Variants in DPP6 observed in about 807,000 individuals in gnomAD.
DPP6 encodes the protein dipeptidyl peptidase like 6, also known as A-type potassium channel modulatory protein DPP6.
Under a neutral mutation model 122.6 loss-of-function variants are expected in DPP6, and 69 were observed. The ratio of observed to expected loss-of-function variants is 0.56; its 90% CI spans 0.46 to 0.69. The LOEUF is 0.69. Among genes scored for constraint, DPP6 ranks in the 30% least tolerant of loss-of-function variants. DPP6 has a pLI of 0.00. For missense variants in DPP6, 928 were observed against 1,116.9 expected (o/e 0.83, Z 2.41); for synonymous variants, 418 against 433.1 (o/e 0.97, Z 0.43).
At chr7:154,316,802 G>C (rs780637802) in intron 1 of DPP6, among the ~76,000 whole-genome samples, 14 of 152,150 alleles carry the variant, frequency 9.2e-5, no homozygotes, top group Non-Finnish European at 2.1e-4. Context: ...TGAAACTGTA[G>C]CACGTACAGT....
At position 154,477,066 on chromosome 7, in the gene DPP6, G is replaced by A. The variant is rs902625166; in HGVS notation, c.457+2029G>A. 2.0e-5 allele frequency among the ~76,000 whole-genome samples: 3 copies of A among 151,708 alleles called. No individual in the cohort carries two copies. The East Asian group carries it at 5.8e-4, about 29-fold the overall frequency. On this transcript the variant is annotated intron_variant, in intron 3 of 25. Coordinates refer to ENST00000377770, the MANE Select transcript of DPP6 (RefSeq NM_130797.4). ...TGCACTCCAACCTGGGTGACAGAGC[G>A]AGACCCTGTCAAAAAAAAAAGAGTG...
chr7:154,345,300 A>G (rs946067500), intron 1 of DPP6, among the ~76,000 whole-genome samples: 1 of 152,162 alleles, frequency 6.6e-6, no homozygotes. Context: ...CCACTTCCCA[A>G]GGTCTTACCA....
intron 6 of DPP6, among the ~76,000 whole-genome samples, chr7:154,665,670 G>A (rs1199587864): frequency 6.6e-6 from 1 of 151,838 alleles, no homozygotes; most frequent in African/African-American, 2.4e-5. Context: ...GGGTGTCATT[G>A]TTTCTAGGCC....
intron 3 of DPP6, among the ~76,000 whole-genome samples, chr7:154,480,891 A>G (rs1464662191): frequency 1.3e-5 from 2 of 152,142 alleles, no homozygotes; most frequent in Non-Finnish European, 2.9e-5. Flanking sequence ...AGGACCTTCA[A>G]GTCATCTTTT....
chr7:153,854,996 C>G, the DPP6 span, among the ~76,000 whole-genome samples: 1 of 142,034 alleles, frequency 7.0e-6, no homozygotes, highest in Non-Finnish European at 1.5e-5. Flanking sequence ...GAACAAAAAA[C>G]CAAACACCGC....
At chr7:154,379,820 T>C (rs1306187326) in intron 1 of DPP6, among the ~76,000 whole-genome samples, 1 of 152,186 alleles carries the variant, frequency 6.6e-6, no homozygotes, top group Non-Finnish European at 1.5e-5. Flanking sequence ...CTTAAGCCAA[T>C]AGCCAAACTA....
chr7:154,137,819 G>T (rs1329446354), intron 1 of DPP6, among the ~76,000 whole-genome samples: 2 of 152,202 alleles, frequency 1.3e-5, no homozygotes, highest in African/African-American at 4.8e-5. Context: ...ACATGCATCA[G>T]GTGGATGGCT....
At chr7:153,978,493 C>A (rs1160915008) in intron 1 of DPP6, among the ~76,000 whole-genome samples, 1 of 151,944 alleles carries the variant, frequency 6.6e-6, no homozygotes, top group African/African-American at 2.4e-5. Flanking sequence ...TCTCCCTGTT[C>A]ACTCTGATGG....
At chr7:154,649,261 A>G (rs1836712558) in intron 6 of DPP6, among the ~76,000 whole-genome samples, 1 of 152,166 alleles carries the variant, frequency 6.6e-6, no homozygotes. Flanking sequence ...CATGGATATC[A>G]TAATTTGTTT....
At chr7:153,959,296 C>T (rs1382535137) in intron 1 of DPP6, among the ~76,000 whole-genome samples, 2 of 11,868 alleles carry the variant, frequency 1.7e-4, no homozygotes, top group African/African-American at 3.5e-4. Context: ...AAATGAACCC[C>T]AGGTGTCCTG....
chr7:153,858,422 G>A, the DPP6 span, among the ~76,000 whole-genome samples: 1 of 152,192 alleles, frequency 6.6e-6, no homozygotes, highest in Non-Finnish European at 1.5e-5. Flanking sequence ...TTTCTCCAGG[G>A]AAATATCTGG....
the DPP6 span, among the ~76,000 whole-genome samples, chr7:153,794,121 C>T: frequency 6.6e-6 from 1 of 152,214 alleles, no homozygotes; most frequent in Admixed American, 6.5e-5. Context: ...TACTAGGGCA[C>T]CTCCCAGTGG....
chr7:154,880,948 T>A lies in DPP6; in HGVS notation c.2133+6T>A. 6.2e-7 allele frequency: 1 copy of A among 1,613,816 alleles called. No homozygotes were observed. Among genetic ancestry groups the A allele is most frequent in the Non-Finnish European group, 8.5e-7 (1 of 1,179,820 alleles). ...GCGTGGCCGTGTTTGGGAAGGTGAG[T>A]CTGCGCCACCCTGGTCTGAAAACCC... is the stretch of plus-strand genomic sequence containing the variant. On this transcript the variant is annotated splice_donor_region_variant and intron_variant, in intron 21 of 25. Transcript: ENST00000377770.
chr7:154,551,297 A>G (rs1481863021), intron 4 of DPP6, among the ~76,000 whole-genome samples: 1 of 152,068 alleles, frequency 6.6e-6, no homozygotes, highest in African/African-American at 2.4e-5. Context: ...GTGGGGAAAA[A>G]TTTTTAGCAG....
intron 8 of DPP6, among the ~76,000 whole-genome samples, chr7:154,761,823 A>G (rs2131516336): frequency 6.6e-6 from 1 of 152,100 alleles, no homozygotes; most frequent in African/African-American, 2.4e-5. Context: ...CATTAGGTAT[A>G]TCTCCTAATG....
chr7:154,691,059 C>A (rs3807244), intron 7 of DPP6, among the ~76,000 whole-genome samples: 1 of 152,182 alleles, frequency 6.6e-6, no homozygotes, highest in African/African-American at 2.4e-5. Flanking sequence ...TCACCTGTGA[C>A]GAGCAACGTC....
chr7:154,093,519 C>G, intron 1 of DPP6, among the ~76,000 whole-genome samples: 1 of 47,018 alleles, frequency 2.1e-5, no homozygotes, highest in East Asian at 6.6e-4. Flanking sequence ...ACACCACATA[C>G]ACCATACATA....
At chr7:154,745,951 G>C (rs1221538325) in intron 8 of DPP6, among the ~76,000 whole-genome samples, 1 of 152,162 alleles carries the variant, frequency 6.6e-6, no homozygotes, top group Non-Finnish European at 1.5e-5. Flanking sequence ...TCAACACGAA[G>C]TTTGGAGGGG....
At chr7:154,531,072 C>T (rs546688620) in intron 3 of DPP6, among the ~76,000 whole-genome samples, 22 of 152,144 alleles carry the variant, frequency 1.4e-4, no homozygotes, top group African/African-American at 5.1e-4. Flanking sequence ...GATGATGGGT[C>T]GATCTCTGCA....
Sources: allele counts gnomAD v4.1 joint callset (sites outside exome capture counted in the v4.1 genomes callset), GRCh38; gene constraint gnomAD v4.1.1; transcripts MANE v1.5; gene names NCBI Gene and HGNC (gene_info 2026-07-23, HGNC 2026-07-21).